The following EDNRB variants were observed in gnomAD, a reference collection of about 807,000 sequenced individuals.
The protein encoded by EDNRB is Hirschsprung disease 2.
In EDNRB, 18 loss-of-function variants were observed where a neutral mutation model predicts 46.4. That is an observed-to-expected ratio of 0.39 (90% CI 0.27 to 0.57). The LOEUF (loss-of-function observed/expected upper bound fraction) is 0.57. Among genes scored for constraint, EDNRB ranks in the 20% least tolerant of loss-of-function variants. The pLI, the probability that EDNRB is intolerant of heterozygous loss-of-function variation, is 0.61. For missense variants in EDNRB, 434 were observed against 537.5 expected, an observed-to-expected ratio of 0.81 and a Z score of 1.90; for synonymous variants, 213 against 204.9, an observed-to-expected ratio of 1.04 and a Z score of -0.34.
intron 1 of EDNRB, among the ~76,000 whole-genome samples, chr13:77,928,098 AGTCTCACATAT>A (rs1284832935): frequency 1.3e-5 from 2 of 152,232 alleles, no homozygotes; most frequent in South Asian, 4.1e-4. Flanking sequence ...TAAATTACCC[AGTCTCACATAT>A]GTCTTTATTA....
In EDNRB at chr13:77,903,534, C is replaced by G; in HGVS notation, c.557G>C (p.Gly186Ala). The change falls in exon 2 of 7, where the codon GGA (glycine) becomes GCA (alanine). Residue 186 changes from glycine to alanine, a missense_variant. Physicochemically the swap from Gly to Ala is moderately conservative, Grantham distance 60 (BLOSUM62 0). Transcript: ENST00000646607. ...LVPFIQKASV[G>A]ITVLSLCALS... is the part of the protein sequence containing the mutation. ...AGCACATAGACTCAGCACAGTGATT[C>G]CCACAGAGGCTTTCTGTATGAAAGG... 3 of 1,612,930 alleles carry G rather than the reference C, an allele frequency of 1.9e-6. No individual in the cohort carries two copies. The highest frequency in any genetic ancestry group is 2.5e-6 in the Non-Finnish European group (3 of 1,179,312).
chr13:77,900,693 C>A (rs369891478), intron 4 of EDNRB, 39 bp from the exon 5 acceptor site: 1 of 1,610,972 alleles, frequency 6.2e-7, no homozygotes, highest in African/African-American at 1.3e-5. Context: ...AAAGATGGCT[C>A]ATTTTACTCA....
intron 1 of EDNRB, among the ~76,000 whole-genome samples, chr13:77,934,613 G>A (rs909112437): frequency 2.7e-5 from 4 of 149,750 alleles, no homozygotes; most frequent in African/African-American, 9.8e-5. Flanking sequence ...CTGACTTGGG[G>A]CATGTTAGTA....
At chr13:77,962,411 C>T (rs1881450618) in intron 1 of EDNRB, among the ~76,000 whole-genome samples, 1 of 152,154 alleles carries the variant, frequency 6.6e-6, no homozygotes, top group Non-Finnish European at 1.5e-5. Flanking sequence ...AATCCAGCAG[C>T]ACATGAAAAA....
intron 1 of EDNRB, among the ~76,000 whole-genome samples, chr13:77,931,744 C>CAAAAAAAAAAAAAAAAAAGAAAAAAA (rs67176737): frequency 1.2e-5 from 1 of 83,450 alleles, no homozygotes; most frequent in Non-Finnish European, 2.3e-5. Flanking sequence ...ACTGTAGTAG[C>CAAAAAAAAAAAAAAAAAAGAAAAAAA]AAAAAAAAAA....
At chr13:77,949,112 A>C (rs1378319094) in intron 1 of EDNRB, among the ~76,000 whole-genome samples, 1 of 152,220 alleles carries the variant, frequency 6.6e-6, no homozygotes, top group Admixed American at 6.5e-5. Flanking sequence ...ATAAGTAAAC[A>C]ATGAGTGACA....
chr13:77,958,342 T>A (rs1881299140), intron 1 of EDNRB, among the ~76,000 whole-genome samples: 1 of 137,930 alleles, frequency 7.3e-6, no homozygotes, highest in Non-Finnish European at 1.5e-5. Context: ...TTTCCCAGGT[T>A]ATTTTATTTA....
intron 1 of EDNRB, among the ~76,000 whole-genome samples, chr13:77,974,154 A>G (rs1881816412): frequency 6.6e-6 from 1 of 152,114 alleles, no homozygotes; most frequent in South Asian, 2.1e-4. Flanking sequence ...AAATTAACTT[A>G]GAATTGGTAT....
chr13:77,929,587 G>A (rs1880330553), intron 1 of EDNRB, among the ~76,000 whole-genome samples: 2 of 152,248 alleles, frequency 1.3e-5, no homozygotes, highest in East Asian at 3.9e-4. Flanking sequence ...AAGTTTAGAT[G>A]CTGGTTCATG....
chr13:77,936,905 A>G (rs975400499), intron 1 of EDNRB, among the ~76,000 whole-genome samples: 5 of 152,218 alleles, frequency 3.3e-5, no homozygotes, highest in African/African-American at 4.8e-5. Flanking sequence ...CTCACAGCAG[A>G]GGCAAGTAAT....
chr13:77,945,061 C>A (rs1016281979), intron 1 of EDNRB, among the ~76,000 whole-genome samples: 5 of 152,096 alleles, frequency 3.3e-5, no homozygotes, highest in African/African-American at 4.8e-5. Flanking sequence ...TTACTGTGAA[C>A]TCAATGCCCT....
At chr13:77,932,319 T>C (rs1880430713) in intron 1 of EDNRB, among the ~76,000 whole-genome samples, 1 of 152,272 alleles carries the variant, frequency 6.6e-6, no homozygotes, top group African/African-American at 2.4e-5. Context: ...CATATCTATG[T>C]AGGGACATGT....
rs3027092 is a variant in EDNRB at position 77,896,433 on chromosome 13, G to A, written c.*1767C>T. 21,073 of 1,554,920 alleles carry A rather than the reference G, an allele frequency of 0.014. 255 individuals are homozygous for A. The highest frequency in any genetic ancestry group is 0.017 in the East Asian group (713 of 42,332). ...GTGATTTATAAATAGAATCCATATG[G>A]TGTGTGAATTAATTATTATTGCTCT... is the stretch of plus-strand genomic sequence containing the variant. On this transcript the variant is annotated 3_prime_UTR_variant, in exon 7 of 7. Coordinates refer to ENST00000646607, the MANE Select transcript of EDNRB (RefSeq NM_001122659.3).
chr13:77,913,908 T>C (rs1031180917), intron 1 of EDNRB, among the ~76,000 whole-genome samples: 2 of 152,178 alleles, frequency 1.3e-5, no homozygotes, highest in African/African-American at 4.8e-5. Context: ...GCAAAATAAG[T>C]AGCTTGTGAA....
At chr13:77,969,601 GTCCACTACAGGCTGA>G (rs756038936) in intron 1 of EDNRB, among the ~76,000 whole-genome samples, 1 of 152,104 alleles carries the variant, frequency 6.6e-6, no homozygotes, top group African/African-American at 2.4e-5. Context: ...TCTCTCTGAT[GTCCACTACAGGCTGA>G]TCCGAGGCCC....
intron 1 of EDNRB, among the ~76,000 whole-genome samples, chr13:77,931,587 AG>A (rs2137654387): frequency 6.6e-6 from 1 of 152,244 alleles, no homozygotes; most frequent in Non-Finnish European, 1.5e-5. Context: ...AACAAACGCC[AG>A]GGCGTCTAAT....
chr13:77,905,796 C>G (rs1455318009), intron 1 of EDNRB, among the ~76,000 whole-genome samples: 1 of 151,936 alleles, frequency 6.6e-6, no homozygotes, highest in Non-Finnish European at 1.5e-5. Context: ...TCAAAACAAG[C>G]CTGGTGAACT....
rs181368978 is a variant in EDNRB, at chr13:77,899,331, G to T, written c.1194+528C>A. ...TGAATAGAAGGATGATAAAATGCAA[G>T]CAGCTGAAGAAGGAATTATATGTAT... On this transcript the variant is annotated intron_variant, in intron 6 of 6. Transcript: ENST00000646607. 2.0e-5 allele frequency among the ~76,000 whole-genome samples: 3 copies of T among 151,960 alleles called. No individual in the cohort carries two copies. The East Asian group carries it at 5.8e-4, about 30-fold the overall frequency.
rs1375298638 is a variant in EDNRB at position 77,898,263 on chromosome 13, C to G, written c.1266G>C (p.Lys422Asn). ...QSLEEKQSCL[K>N]FKANDHGYDN... ...CATATCCGTGATCATTAGCTTTGAA[C>G]TTTAAGCACGACTGCTTTTCCTCCA... is the stretch of plus-strand genomic sequence containing the variant. Residue 422 changes from lysine to asparagine, a missense_variant, in exon 7 of 7, where the codon AAG becomes AAC. Transcript: ENST00000646607. 1 of 1,612,108 alleles carries G rather than the reference C, an allele frequency of 6.2e-7. No homozygotes were observed. Among genetic ancestry groups the G allele is most frequent in the Non-Finnish European group, 8.5e-7 (1 of 1,178,914 alleles).
Sources: allele counts gnomAD v4.1 joint callset (sites outside exome capture counted in the v4.1 genomes callset), GRCh38; gene constraint gnomAD v4.1.1; transcripts MANE v1.5; gene names NCBI Gene and HGNC (gene_info 2026-07-23, HGNC 2026-07-21).